GNPDA2: variants seen among roughly 807,000 people sequenced by gnomAD.
The protein encoded by GNPDA2 is glucosamine-6-phosphate deaminase 2.
GNPDA2 carries 24 observed loss-of-function variants against 27.0 expected under a neutral mutation model. The ratio of observed to expected loss-of-function variants is 0.89; its 90% CI spans 0.64 to 1.25. The LOEUF (loss-of-function observed/expected upper bound fraction) is 1.25, where lower values mean the gene tolerates loss of function less well. Among genes scored for constraint, GNPDA2 ranks in the 50% most tolerant of loss-of-function variants. The pLI is 0.00. For missense variants in GNPDA2, 286 were observed against 335.1 expected (o/e 0.85, Z 1.14); for synonymous variants, 94 against 108.4 (o/e 0.87, Z 0.83).
chr4:44,722,057 T>G, intron 2 of GNPDA2, 27 bp downstream of exon 2: 2 of 1,524,868 alleles, frequency 1.3e-6, no homozygotes, highest in Non-Finnish European at 1.8e-6. Flanking sequence ...AATATCAGAA[T>G]ATAAAATGGA....
At chr4:44,723,767 G>A (rs7672031) in intron 1 of GNPDA2, among the ~76,000 whole-genome samples, 79,899 of 151,904 alleles carry the variant, frequency 0.53, 22,441 homozygotes, top group Non-Finnish European at 0.64. Context: ...ATGAAGCAGC[G>A]AAAGCAGGGA....
intron 1 of GNPDA2, among the ~76,000 whole-genome samples, 161 bp downstream of exon 1, chr4:44,726,313 A>AG (rs1324417808): frequency 2.6e-5 from 4 of 152,140 alleles, no homozygotes; most frequent in Non-Finnish European, 4.4e-5. Context: ...GCAATACGGG[A>AG]GACCCCACGC....
rs750673215 is a variant in GNPDA2, at chr4:44,703,161, A to T, written c.770-19T>A. ...ATTAGACCTTAAAGAAAAAAAGCACAGTTCTAGTTGTTTTTATTAATTTTG... is the reference window on the plus strand; with the variant it reads ...ATTAGACCTTAAAGAAAAAAAGCACTGTTCTAGTTGTTTTTATTAATTTTG... On this transcript the variant is annotated intron_variant, in intron 6 of 6. Transcript: ENST00000295448. 1 of 1,603,200 alleles carries T rather than the reference A, an allele frequency of 6.2e-7. No homozygotes were observed. The highest frequency in any genetic ancestry group is 8.5e-7 in the Non-Finnish European group (1 of 1,176,872).
At chr4:44,703,302 G>C in intron 6 of GNPDA2, 160 bp from the exon 7 acceptor site, 2 of 1,391,114 alleles carry the variant, frequency 1.4e-6, no homozygotes, top group Non-Finnish European at 1.9e-6. Context: ...AAATGTTTCA[G>C]AATGTCTTAA....
chr4:44,707,473 A>G (rs1716677244), intron 6 of GNPDA2: 3 of 428,316 alleles, frequency 7.0e-6, no homozygotes, highest in Non-Finnish European at 1.2e-5. Flanking sequence ...TTGGTCTTGT[A>G]TATTCAATAT....
intron 1 of GNPDA2, among the ~76,000 whole-genome samples, chr4:44,726,063 CGA>C (rs1332777880): frequency 2.6e-5 from 4 of 152,138 alleles, no homozygotes; most frequent in African/African-American, 9.7e-5. Context: ...CGAGGAGGGA[CGA>C]GAGACAGCAA....
intron 4 of GNPDA2, among the ~76,000 whole-genome samples, chr4:44,712,361 T>C (rs1278168136): frequency 6.6e-6 from 1 of 152,080 alleles, no homozygotes; most frequent in Non-Finnish European, 1.5e-5. Flanking sequence ...AGATAAAATA[T>C]GACAAAGAGT....
At chr4:44,722,024 T>C (rs986867113) in intron 2 of GNPDA2, 60 bp downstream of exon 2, 28 of 1,288,762 alleles carry the variant, frequency 2.2e-5, no homozygotes, top group Non-Finnish European at 3.1e-5. Flanking sequence ...AACCCTTCAA[T>C]TCCATCAGAA....
chr4:44,720,631 T>C (rs1022997211), intron 2 of GNPDA2, among the ~76,000 whole-genome samples: 1 of 152,054 alleles, frequency 6.6e-6, no homozygotes, highest in African/African-American at 2.4e-5. Context: ...ATAATTACAA[T>C]GCAGCCTGGT....
chr4:44,722,244 T>C lies in GNPDA2; in HGVS notation c.-35-2A>G. 1 of 1,603,744 alleles carries C rather than the reference T, an allele frequency of 6.2e-7. No individual in the cohort carries two copies. The highest frequency in any genetic ancestry group is 8.5e-7 in the Non-Finnish European group (1 of 1,175,382). On this transcript the variant is annotated splice_acceptor_variant, in intron 1 of 6. Transcript: ENST00000295448. LOFTEE classifies it low-confidence loss of function (5UTR_SPLICE). ...ACAGCTTCCAGAACAAGTTCAAACC[T>C]GAGAAAAGTCCATTGTAGAACACTT...
chr4:44,713,592 C>T (rs997388276), intron 4 of GNPDA2, among the ~76,000 whole-genome samples: 11 of 152,132 alleles, frequency 7.2e-5, no homozygotes, highest in Admixed American at 7.2e-4. Flanking sequence ...TTTAAAAACA[C>T]TATTAGGCCG....
At chr4:44,704,651 T>A in intron 6 of GNPDA2, 1 of 891,628 alleles carries the variant, frequency 1.1e-6, no homozygotes, top group Non-Finnish European at 1.3e-6. Flanking sequence ...ACGAATTTTA[T>A]ATAAATAAAT....
At chr4:44,707,684 G>C in intron 6 of GNPDA2, 68 bp downstream of exon 6, 1 of 1,373,932 alleles carries the variant, frequency 7.3e-7, no homozygotes, top group South Asian at 1.3e-5. Flanking sequence ...TAACCCCACA[G>C]TCACAGTAAG....
chr4:44,707,627 G>T (rs1716690285), intron 6 of GNPDA2, 125 bp downstream of exon 6: 1 of 667,506 alleles, frequency 1.5e-6, no homozygotes, highest in Non-Finnish European at 2.4e-6. Flanking sequence ...TTACTTGAAA[G>T]AACTAGCTAT....
intron 6 of GNPDA2, 109 bp downstream of exon 6, chr4:44,707,643 G>T: frequency 1.2e-6 from 1 of 859,592 alleles, no homozygotes; most frequent in Non-Finnish European, 1.8e-6. Flanking sequence ...GCTATGTGTT[G>T]CCACTTTTCA....
chr4:44,703,217 AT>A (rs1174559014), intron 6 of GNPDA2, 75 bp from the exon 7 acceptor site: 1 of 1,535,600 alleles, frequency 6.5e-7, no homozygotes, highest in Non-Finnish European at 8.7e-7. Context: ...ACAACAAAGT[AT>A]TTTTTATAAG....
intron 4 of GNPDA2, among the ~76,000 whole-genome samples, chr4:44,716,587 C>A (rs1717306406): frequency 6.6e-6 from 1 of 151,800 alleles, no homozygotes; most frequent in African/African-American, 2.4e-5. Context: ...TTTATTATGA[C>A]AATTATACAG....
At chr4:44,714,215 TCTGCGCAC>T (rs1717147578) in intron 4 of GNPDA2, 1 of 693,258 alleles carries the variant, frequency 1.4e-6, no homozygotes. Context: ...CCTCAGGTGA[TCTGCGCAC>T]CTCAGCCTCC....
In GNPDA2 at chr4:44,722,364, A is replaced by C. The variant is rs572630091; in HGVS notation, c.-35-122T>G. The stretch of plus-strand genomic sequence containing the variant: ...ACAGAATATACTGATGATTTTTAAA[A>C]GTACATTACTGAAGAAGGACATGCA... On this transcript the variant is annotated intron_variant, in intron 1 of 6. Transcript: ENST00000295448. 1.6e-5 allele frequency: 11 copies of C among 674,436 alleles called. No individual in the cohort carries two copies. In the South Asian group the frequency reaches 2.3e-4, roughly 14 times the overall value. 41.8% of individuals were successfully genotyped at this position (674,436 alleles called of 1,614,324 possible).
Sources: gnomAD v4.1 joint callset for allele counts (sites outside exome capture counted in the v4.1 genomes callset) on GRCh38, gnomAD v4.1.1 for gene constraint, MANE v1.5 for transcripts, NCBI Gene and HGNC (gene_info 2026-07-23, HGNC 2026-07-21) for gene names.